The following ZNF419 variants were observed in gnomAD, a reference collection of about 807,000 sequenced individuals.
ZNF419 encodes zinc finger protein 419, also known as zinc finger protein 419A.
In ZNF419, 8 loss-of-function variants were observed where a neutral mutation model predicts 14.9. The observed-to-expected ratio is 0.54, with a 90% CI of 0.32 to 0.97. The LOEUF (loss-of-function observed/expected upper bound fraction) is 0.97, where lower values mean the gene tolerates loss of function less well. Ranked by LOEUF, ZNF419 falls within the 50% of genes least tolerant of loss-of-function variation. The pLI, the probability that ZNF419 is intolerant of heterozygous loss-of-function variation, is 0.04. For missense variants in ZNF419, 595 were observed against 607.2 expected, an observed-to-expected ratio of 0.98 and a Z score of 0.21; for synonymous variants, 211 against 205.3, an observed-to-expected ratio of 1.03 and a Z score of -0.24.
At position 57,490,097 on chromosome 19, in the gene ZNF419, A is replaced by T. The variant is rs761264344; in HGVS notation, c.34-50A>T. The T allele has an allele frequency of 1.5e-5, 23 of 1,583,262 alleles. 1 individual carries two copies. In the Middle Eastern group the frequency reaches 2.3e-3, roughly 160 times the overall value. ...CAGGCTAGACGAGTGGGCTTGGATG[A>T]TCCTTTGGCAACATCACTGTCTGGT... On this transcript the variant is annotated intron_variant, in intron 1 of 4. Coordinates refer to ENST00000221735, the MANE Select transcript of ZNF419 (RefSeq NM_024691.4).
Position 57,495,949 on chromosome 19 carries a change from A to G in ZNF419, c.*1859A>G, listed in dbSNP as rs1186162235. On this transcript the variant is annotated 3_prime_UTR_variant, in exon 5 of 5. Coordinates refer to ENST00000221735, the MANE Select transcript of ZNF419 (RefSeq NM_024691.4). ...TCCAGTAGTTTTGAGCACATTTAAT[A>G]CCCAGTTATTGGTTTATATCATTTT... 6.6e-6 allele frequency: 1 copy of G among 152,148 alleles called. No homozygotes were observed. Among genetic ancestry groups the G allele is most frequent in the Non-Finnish European group, 1.5e-5 (1 of 68,022 alleles). The allele number at this position is 152,148 out of a possible 1,614,324, so 9.4% of individuals were successfully genotyped here.
rs181262420 is a variant in ZNF419, at chr19:57,487,999, T to C, written c.33+16T>C. On this transcript the variant is annotated intron_variant, in intron 1 of 4. Transcript: ENST00000221735. ...CCCCGCTCAGGTGAGCGCCGCGTCC[T>C]CCTGGCCTCCCCCGAATCCTAAAGC... The C allele has an allele frequency of 4.0e-4, 649 of 1,613,522 alleles. 3 individuals are homozygous for C. In the East Asian group the frequency reaches 5.7e-3, roughly 14 times the overall value.
At position 57,496,064 on chromosome 19, in the gene ZNF419, T is replaced by C. The variant is rs1318586862; in HGVS notation, c.*1974T>C. On this transcript the variant is annotated 3_prime_UTR_variant, in exon 5 of 5. Coordinates refer to ENST00000221735, the MANE Select transcript of ZNF419 (RefSeq NM_024691.4). ...AACATGATTTGAGGAAATACTGCAT[T>C]GGAAAATAAATAAATGTTCACAGAA... 2.0e-5 allele frequency: 3 copies of C among 152,188 alleles called. No individual in the cohort carries two copies. The highest frequency in any genetic ancestry group is 7.2e-5 in the African/African-American group (3 of 41,438). 9.4% of individuals were successfully genotyped at this position (152,188 alleles called of 1,614,324 possible). A position where few individuals can be genotyped will look rare whatever the true frequency, so the allele number is the denominator to read the frequency against.
intron 1 of ZNF419, 179 bp from the exon 2 acceptor site, chr19:57,489,968 C>A (rs1174550615): frequency 1.7e-6 from 1 of 604,134 alleles, no homozygotes; most frequent in Admixed American, 2.9e-5. Flanking sequence ...GATGGCAACA[C>A]CAAGGCACAG....
At chr19:57,492,070 T>G (rs1305045446) in intron 3 of ZNF419, 43 bp from the exon 4 acceptor site, 1 of 1,483,876 alleles carries the variant, frequency 6.7e-7, no homozygotes. Context: ...ATGAGATAAG[T>G]CATTCTGGCT....
chr19:57,488,142 C>T (rs2089400988), intron 1 of ZNF419, 159 bp downstream of exon 1: 3 of 1,143,586 alleles, frequency 2.6e-6, no homozygotes, highest in South Asian at 1.5e-5. Context: ...GGGCCCGGCT[C>T]GCAAAGATGT....
rs567190283 is a variant in ZNF419, at chr19:57,494,677, C to T, written c.*587C>T. ...TTTATTTCCCATACACCCTTATGAC[C>T]ATTTCCAGAGACTGAATTGTGTTTT... is the stretch of plus-strand genomic sequence containing the variant. On this transcript the variant is annotated 3_prime_UTR_variant, in exon 5 of 5. Coordinates refer to ENST00000221735, the MANE Select transcript of ZNF419 (RefSeq NM_024691.4). 5.7e-6 allele frequency: 1 copy of T among 174,292 alleles called. No individual in the cohort carries two copies. The highest frequency in any genetic ancestry group is 1.6e-4 in the East Asian group (1 of 6,178). 10.8% of individuals were successfully genotyped at this position (174,292 alleles called of 1,614,324 possible).
chr19:57,491,689 C>T, intron 3 of ZNF419, 92 bp downstream of exon 3: 1 of 1,575,770 alleles, frequency 6.3e-7, no homozygotes, highest in Non-Finnish European at 8.7e-7. Flanking sequence ...CAAAGCTGAA[C>T]TGTGGGCACT....
rs1163707431 is a variant in ZNF419, at chr19:57,496,000, A to T, written c.*1910A>T. On this transcript the variant is annotated 3_prime_UTR_variant, in exon 5 of 5. Coordinates refer to ENST00000221735, the MANE Select transcript of ZNF419 (RefSeq NM_024691.4). ...TTAATAAAAGGAACCAGAACTCCTTAGAGAAGAGGCTGTTTTCAAGTTGTG... is the reference window on the plus strand; with the variant it reads ...TTAATAAAAGGAACCAGAACTCCTTTGAGAAGAGGCTGTTTTCAAGTTGTG... The T allele has an allele frequency of 1.3e-5, 2 of 152,152 alleles. No homozygotes were observed. Among genetic ancestry groups the T allele is most frequent in the East Asian group, 3.8e-4 (2 of 5,204 alleles). 9.4% of individuals were successfully genotyped at this position (152,152 alleles called of 1,614,324 possible). A position where few individuals can be genotyped will look rare whatever the true frequency, so the allele number is the denominator to read the frequency against.
rs11672136 is a variant in ZNF419 at position 57,490,144 on chromosome 19, T to G, written c.34-3T>G. On this transcript the variant is annotated splice_region_variant and splice_polypyrimidine_tract_variant and intron_variant, in intron 1 of 4. Transcript: ENST00000221735. Reference sequence around the variant, plus strand: ...TGGTTCTCATAGTCTTGATTTTCCATAGGTTCCTGTGGCTGCAGACTTGCT... The same window carrying G: ...TGGTTCTCATAGTCTTGATTTTCCAGAGGTTCCTGTGGCTGCAGACTTGCT... 1.2e-6 allele frequency: 2 copies of G among 1,611,388 alleles called. No homozygotes were observed. Among genetic ancestry groups the G allele is most frequent in the Non-Finnish European group, 1.7e-6 (2 of 1,178,448 alleles).
At chr19:57,488,024 C>A in intron 1 of ZNF419, 41 bp downstream of exon 1, 1 of 1,611,580 alleles carries the variant, frequency 6.2e-7, no homozygotes, top group Non-Finnish European at 8.5e-7. Context: ...AATCCTAAAG[C>A]CCTGTGAGGG....
At chr19:57,490,324 G>GTCTGGAC in intron 2 of ZNF419, 139 bp downstream of exon 2, 1 of 698,124 alleles carries the variant, frequency 1.4e-6, no homozygotes, top group Non-Finnish European at 2.5e-6. Flanking sequence ...GTCACACACA[G>GTCTGGAC]TCAGGGCCCT....
intron 2 of ZNF419, chr19:57,491,173 A>C: frequency 4.6e-6 from 2 of 431,282 alleles, no homozygotes; most frequent in East Asian, 4.4e-5. Context: ...GAACACTGAC[A>C]CAAATTTGAT....
At chr19:57,491,735 A>G in intron 3 of ZNF419, 138 bp downstream of exon 3, 1 of 1,241,508 alleles carries the variant, frequency 8.1e-7, no homozygotes. Context: ...AGCTATTGTA[A>G]TAGGCCTGGG....
intron 1 of ZNF419, chr19:57,488,806 G>C (rs1257708630): frequency 6.6e-6 from 1 of 152,202 alleles, no homozygotes; most frequent in Non-Finnish European, 1.5e-5. Context: ...ATTTAGGAGG[G>C]AGAATCTTAA....
chr19:57,487,774 G>A lies in ZNF419; in HGVS notation c.-177G>A, dbSNP rs546181518. On this transcript the variant is annotated 5_prime_UTR_variant, in exon 1 of 5. Coordinates refer to ENST00000221735, the MANE Select transcript of ZNF419 (RefSeq NM_024691.4). Reference sequence around the variant, plus strand: ...TGGTATTCACTTTCGCGACTCAGGTGAACTAACCTGCGAGAAGCTGGTTGT... The same window carrying A: ...TGGTATTCACTTTCGCGACTCAGGTAAACTAACCTGCGAGAAGCTGGTTGT... The A allele has an allele frequency of 9.5e-5, 80 of 841,168 alleles. No homozygotes were observed. The highest frequency in any genetic ancestry group is 7.6e-4 in the East Asian group (29 of 38,222). The allele number at this position is 841,168 out of a possible 1,614,324, so 52.1% of individuals were successfully genotyped here. A position where few individuals can be genotyped will look rare whatever the true frequency, so the allele number is the denominator to read the frequency against.
In ZNF419 at chr19:57,491,592, C is replaced by T. The variant is rs747230279; in HGVS notation, c.194C>T (p.Ser65Phe). The change falls in exon 3 of 5, where the codon TCT (serine) becomes TTT (phenylalanine). Residue 65 changes from serine (S) to phenylalanine (F), a missense_variant. Ser to Phe is a radical substitution (Grantham distance 155). Transcript: ENST00000221735. ...VMLENFTLLASLGLASSKTHE... is the reference protein window; with the variant it reads ...VMLENFTLLAFLGLASSKTHE... ...CTGGAGAACTTTACACTTCTGGCCTCTCTGGGTAAGGTTCTCACACCCCAC... is the reference window on the plus strand; with the variant it reads ...CTGGAGAACTTTACACTTCTGGCCTTTCTGGGTAAGGTTCTCACACCCCAC... The T allele has an allele frequency of 3.7e-6, 6 of 1,614,122 alleles. No homozygotes were observed. The South Asian group carries it at 6.6e-5, about 18-fold the overall frequency.
chr19:57,492,545 G>A (rs556847705), intron 4 of ZNF419: 32 of 754,014 alleles, frequency 4.2e-5, no homozygotes, highest in Admixed American at 1.2e-4. Flanking sequence ...CTTCTGTGCC[G>A]TGTTCCTGTG....
rs202180435 is a variant in ZNF419, at chr19:57,493,550, G to A, written c.993G>A (p.Met331Ile). The change falls in exon 5 of 5, where the codon ATG becomes ATA. Residue 331 changes from methionine (M) to isoleucine (I), a missense_variant. By Grantham distance (10) the Met-to-Ile change is conservative. Transcript: ENST00000221735. ...TGTTTAGTTTCAACTCCAGCCTCATGAAACATCAGAGAATTCACACTGGAG... is the reference window on the plus strand; with the variant it reads ...TGTTTAGTTTCAACTCCAGCCTCATAAAACATCAGAGAATTCACACTGGAG... ...GKLFSFNSSLMKHQRIHTGER... is the reference protein window; with the variant it reads ...GKLFSFNSSLIKHQRIHTGER... The A allele has an allele frequency of 3.4e-5, 54 of 1,607,992 alleles. No individual in the cohort carries two copies. Among genetic ancestry groups the A allele is most frequent in the Non-Finnish European group, 4.2e-5 (49 of 1,175,064 alleles).
Sources: gnomAD v4.1 joint callset for allele counts on GRCh38, gnomAD v4.1.1 for gene constraint, MANE v1.5 for transcripts, NCBI Gene and HGNC (gene_info 2026-07-23, HGNC 2026-07-21) for gene names.